The following SLC35F1 variants were observed in gnomAD, a reference collection of about 807,000 sequenced individuals.
SLC35F1 encodes the protein chromosome 6 open reading frame 169.
Under a neutral mutation model 48.7 loss-of-function variants are expected in SLC35F1, and 14 were observed. That is an observed-to-expected ratio of 0.29 (90% CI 0.19 to 0.45). SLC35F1 has a LOEUF of 0.45. Ranked by LOEUF, SLC35F1 falls within the 20% of genes least tolerant of loss-of-function variation. The pLI is 1.00. For missense variants in SLC35F1, 404 were observed against 500.0 expected (o/e 0.81, Z 1.83); for synonymous variants, 190 against 202.2 (o/e 0.94, Z 0.51).
intron 7 of SLC35F1, among the ~76,000 whole-genome samples, chr6:118,290,919 T>C (rs1422227847): frequency 6.6e-6 from 1 of 151,872 alleles, no homozygotes; most frequent in Non-Finnish European, 1.5e-5. Context: ...CTCAGCCTCC[T>C]AAGTAGCTGG....
chr6:118,179,770 A>G lies in SLC35F1; in HGVS notation c.349+25150A>G, dbSNP rs115639258. On this transcript the variant is annotated intron_variant, in intron 2 of 7. Transcript: ENST00000360388. ...ACTGACCTTCTAGTAAAGTTACAGG[A>G]ATTTGTGGAGGCCAGATACGAGTGC... 1.2e-3 allele frequency among the ~76,000 whole-genome samples: 185 copies of G among 152,122 alleles called. 1 individual carries two copies. The highest frequency in any genetic ancestry group is 4.3e-3 in the African/African-American group (179 of 41,520).
chr6:118,092,327 G>A (rs1193329648), intron 1 of SLC35F1, among the ~76,000 whole-genome samples: 1 of 152,256 alleles, frequency 6.6e-6, no homozygotes, highest in East Asian at 1.9e-4. Context: ...TGAGCCTGTA[G>A]GAATAAAGAA....
rs1212147235 is a variant in SLC35F1 at position 118,315,394 on chromosome 6, T to G, written c.*1142T>G. On this transcript the variant is annotated 3_prime_UTR_variant, in exon 8 of 8. Coordinates refer to ENST00000360388, the MANE Select transcript of SLC35F1 (RefSeq NM_001029858.4). ...AAAAAGTCTGGCATTTTGGTCATAT[T>G]TGGCATCCATTCAATAACAGATATA... 2 of 152,348 alleles carry G rather than the reference T, an allele frequency of 1.3e-5. No individual in the cohort carries two copies. Among genetic ancestry groups the G allele is most frequent in the Non-Finnish European group, 2.9e-5 (2 of 67,998 alleles). 9.4% of individuals were successfully genotyped at this position (152,348 alleles called of 1,614,324 possible). A position where few individuals can be genotyped will look rare whatever the true frequency, so the allele number is the denominator to read the frequency against.
rs1215573454 is a variant in SLC35F1, at chr6:117,984,493, C to CAA, written c.173+76612_173+76613dup. Among the ~76,000 whole-genome samples, 9 of 60,878 alleles carry CAA rather than the reference C, an allele frequency of 1.5e-4. No homozygotes were observed. The East Asian group carries it at 1.5e-3, about 10-fold the overall frequency. The allele number at this position is 60,878 out of a possible 152,430, so 39.9% of individuals were successfully genotyped here. On this transcript the variant is annotated intron_variant, in intron 1 of 7. Coordinates refer to ENST00000360388, the MANE Select transcript of SLC35F1 (RefSeq NM_001029858.4). Reference sequence around the variant, plus strand: ...TGGGCGACAGAGCAAGACTCGGTCTCAAAAAAAAAAAAAAAAAAAGGAATA... The same window carrying CAA: ...TGGGCGACAGAGCAAGACTCGGTCTCAAAAAAAAAAAAAAAAAAAAAGGAATA...
intron 1 of SLC35F1, among the ~76,000 whole-genome samples, chr6:118,029,380 GAGAC>G (rs1194323166): frequency 4.0e-5 from 6 of 151,556 alleles, no homozygotes; most frequent in African/African-American, 1.5e-4. Context: ...GAGAGAGAGA[GAGAC>G]AGAGAGACCA....
At chr6:118,157,491 A>G (rs890119944) in intron 2 of SLC35F1, among the ~76,000 whole-genome samples, 2 of 152,298 alleles carry the variant, frequency 1.3e-5, no homozygotes, top group Admixed American at 1.3e-4. Context: ...GTGAAGTCCC[A>G]CAATAGGCCG....
intron 1 of SLC35F1, among the ~76,000 whole-genome samples, chr6:118,136,843 A>G (rs1773804483): frequency 6.6e-6 from 1 of 152,210 alleles, no homozygotes; most frequent in African/African-American, 2.4e-5. Context: ...AACACTCTGT[A>G]AGAAAACATT....
At chr6:118,174,360 A>C (rs1478215943) in intron 2 of SLC35F1, among the ~76,000 whole-genome samples, 3 of 152,154 alleles carry the variant, frequency 2.0e-5, no homozygotes, top group African/African-American at 7.2e-5. Flanking sequence ...ATTTCACGAG[A>C]GATCAGGCAC....
chr6:118,114,402 C>G (rs1167175022), intron 1 of SLC35F1, among the ~76,000 whole-genome samples: 3 of 152,064 alleles, frequency 2.0e-5, no homozygotes, highest in East Asian at 3.9e-4. Flanking sequence ...TGTTCTTTAG[C>G]TTCACATCAA....
chr6:118,076,148 C>A (rs73766430), intron 1 of SLC35F1, among the ~76,000 whole-genome samples: 1,617 of 152,298 alleles, frequency 0.011, 23 homozygotes, highest in African/African-American at 0.038. Flanking sequence ...TTTATGATTT[C>A]TGCTTCATAG....
intron 1 of SLC35F1, among the ~76,000 whole-genome samples, chr6:118,152,985 G>A (rs1248896758): frequency 1.3e-5 from 2 of 152,166 alleles, no homozygotes; most frequent in East Asian, 3.8e-4. Flanking sequence ...CCAGTACCTG[G>A]AAATAGGTTA....
chr6:118,281,856 T>C (rs1349661776), intron 6 of SLC35F1, among the ~76,000 whole-genome samples: 1 of 152,204 alleles, frequency 6.6e-6, no homozygotes, highest in Non-Finnish European at 1.5e-5. Flanking sequence ...TTTCCTAACC[T>C]GTATAAAGAG....
At chr6:117,960,675 A>G (rs554654016) in intron 1 of SLC35F1, among the ~76,000 whole-genome samples, 4 of 152,150 alleles carry the variant, frequency 2.6e-5, no homozygotes, top group Non-Finnish European at 2.9e-5. Context: ...GTATGAATGA[A>G]GTGTATTCTC....
chr6:117,950,198 A>G (rs1272609674), intron 1 of SLC35F1, among the ~76,000 whole-genome samples: 1 of 152,184 alleles, frequency 6.6e-6, no homozygotes, highest in Non-Finnish European at 1.5e-5. Flanking sequence ...TTTCCTAGCA[A>G]CGAGTTTGAC....
intron 1 of SLC35F1, among the ~76,000 whole-genome samples, chr6:117,943,943 T>C (rs1776263643): frequency 1.3e-5 from 2 of 152,202 alleles, no homozygotes; most frequent in Non-Finnish European, 2.9e-5. Flanking sequence ...CAGCAGGAAC[T>C]CTGGCAACAA....
In SLC35F1 at chr6:117,960,471, G is replaced by A. The variant is rs147886313; in HGVS notation, c.173+52572G>A. Among the ~76,000 whole-genome samples, 142 of 151,986 alleles carry A rather than the reference G, an allele frequency of 9.3e-4. 2 individuals are homozygous for A. In the East Asian group the frequency reaches 0.025, roughly 27 times the overall value. On this transcript the variant is annotated intron_variant, in intron 1 of 7. Transcript: ENST00000360388. ...GATTTGGTTTCTCTAAAGAATCAGG[G>A]GGAGGATTATAATTTAGCAAGTTAC...
chr6:117,921,577 G>A (rs187748364), intron 1 of SLC35F1, among the ~76,000 whole-genome samples: 25 of 152,262 alleles, frequency 1.6e-4, no homozygotes, highest in African/African-American at 5.5e-4. Context: ...CATGCCTTTT[G>A]GATTCACCTT....
At chr6:118,185,024 G>A (rs1774636603) in intron 2 of SLC35F1, among the ~76,000 whole-genome samples, 2 of 152,112 alleles carry the variant, frequency 1.3e-5, no homozygotes, top group Non-Finnish European at 2.9e-5. Context: ...AGCAGCTCTT[G>A]GCAGCTCCTG....
At chr6:117,995,496 A>G (rs891475026) in intron 1 of SLC35F1, among the ~76,000 whole-genome samples, 4 of 152,206 alleles carry the variant, frequency 2.6e-5, no homozygotes, top group African/African-American at 9.6e-5. Flanking sequence ...TAATCCCAGC[A>G]CTTTAGGAGG....
Sources: gnomAD v4.1 joint callset for allele counts (sites outside exome capture counted in the v4.1 genomes callset) on GRCh38, gnomAD v4.1.1 for gene constraint, MANE v1.5 for transcripts, NCBI Gene and HGNC (gene_info 2026-07-23, HGNC 2026-07-21) for gene names.